Variants in DNAH5 observed in about 807,000 individuals in gnomAD.
DNAH5 encodes the protein dynein axonemal heavy chain 5.
Under a neutral mutation model 518.2 loss-of-function variants are expected in DNAH5, and 372 were observed. The observed-to-expected ratio is 0.72, with a 90% confidence interval of 0.66 to 0.78. The LOEUF (loss-of-function observed/expected upper bound fraction) is 0.78, where lower values mean the gene tolerates loss of function less well. Ranked by LOEUF, DNAH5 falls within the 30% of genes least tolerant of loss-of-function variation. The probability of loss-of-function intolerance (pLI) is 0.00; values close to 1 mark genes in which losing one functional copy is unlikely to be tolerated. For synonymous variants in DNAH5, 2,039 were observed against 2,025.9 expected (o/e 1.01, Z -0.17); for missense variants, 5,523 against 5,687.0 (o/e 0.97, Z 0.93).
At chr5:13,938,481 T>A (rs10060845) in intron 1 of DNAH5, among the ~76,000 whole-genome samples, 1 of 151,280 alleles carries the variant, frequency 6.6e-6, no homozygotes, top group East Asian at 1.9e-4. Context: ...TTGTTGTTAA[T>A]CTTTTACTGC....
intron 1 of DNAH5, among the ~76,000 whole-genome samples, chr5:13,939,380 A>G (rs577924646): frequency 5.3e-5 from 8 of 152,316 alleles, no homozygotes; most frequent in African/African-American, 1.9e-4. Flanking sequence ...TGGGTAGGAT[A>G]GTAGCTCCCC....
intron 68 of DNAH5, 39 bp downstream of exon 68, chr5:13,735,092 T>A (rs754275672): frequency 6.3e-6 from 10 of 1,598,794 alleles, no homozygotes; most frequent in Non-Finnish European, 8.6e-6. Context: ...AACTCCTCCA[T>A]CTGCACCTGT....
At chr5:13,706,347 A>G (rs1460232248) in intron 76 of DNAH5, among the ~76,000 whole-genome samples, 1 of 152,224 alleles carries the variant, frequency 6.6e-6, no homozygotes, top group African/African-American at 2.4e-5. Context: ...TCTAGGGAGC[A>G]GGACATTGGG....
At chr5:13,790,230 T>A (rs558921273) in intron 50 of DNAH5, among the ~76,000 whole-genome samples, 1 of 152,212 alleles carries the variant, frequency 6.6e-6, no homozygotes, top group South Asian at 2.1e-4. Flanking sequence ...TAAATCATTC[T>A]ACTATGCACA....
At chr5:13,735,526 A>G (rs1382212672) in intron 67 of DNAH5, among the ~76,000 whole-genome samples, 1 of 152,214 alleles carries the variant, frequency 6.6e-6, no homozygotes, top group East Asian at 1.9e-4. Flanking sequence ...GTCTAAATCA[A>G]TTCTACCTGC....
chr5:13,887,289 T>C (rs912467289), intron 17 of DNAH5, among the ~76,000 whole-genome samples: 1 of 152,250 alleles, frequency 6.6e-6, no homozygotes, highest in African/African-American at 2.4e-5. Flanking sequence ...AAGACTAATA[T>C]AGTTCCAACA....
At position 13,753,318 on chromosome 5, in the gene DNAH5, T is replaced by A. The variant is rs779225912; in HGVS notation, c.10787A>T (p.Lys3596Met). 27 of 1,613,838 alleles carry A rather than the reference T, an allele frequency of 1.7e-5. 1 individual carries two copies. In the South Asian group the frequency reaches 2.9e-4, roughly 17 times the overall value. ...AATTAACAAAGGGTAACGAGATGCC[T>A]TCGTGACAATAATTCCATTTTGAAT... Reference protein sequence around the residue: ...LSIQNGIIVTKASRYPLLIDP... With the variant: ...LSIQNGIIVTMASRYPLLIDP... The change falls in exon 63 of 79, where the codon AAG becomes ATG. Residue 3596 changes from lysine to methionine, a missense_variant. By Grantham distance (95) the Lys-to-Met change is moderately conservative (BLOSUM62 -1). This residue lies in a region of DNAH5 where 5,121 missense variants were observed against 5,223.3 expected (regional missense o/e 0.98). Transcript: ENST00000265104.
In DNAH5 at chr5:13,751,211, TAGAGTCTAA is replaced by T. The variant is rs985599537; in HGVS notation, c.11069_11077del (p.Phe3690_Leu3692del). 23 of 1,613,808 alleles carry T rather than the reference TAGAGTCTAA, an allele frequency of 1.4e-5. No homozygotes were observed. Among genetic ancestry groups the T allele is most frequent in the Non-Finnish European group, 1.9e-5 (23 of 1,179,940 alleles). ...TGGGTTAGGCAATTTGGTGGTAATG[TAGAGTCTAA>T]AGCCATCCAACACATCTACTTCCTT... On this transcript the variant is annotated inframe_deletion, in exon 65 of 79. Transcript: ENST00000265104.
At chr5:13,950,202 G>C (rs1273419981) in intron 1 of DNAH5, among the ~76,000 whole-genome samples, 2 of 152,142 alleles carry the variant, frequency 1.3e-5, no homozygotes, top group African/African-American at 4.8e-5. Flanking sequence ...TATGCCTATG[G>C]TAATAGTGTT....
intron 71 of DNAH5, among the ~76,000 whole-genome samples, chr5:13,720,549 AT>A (rs899381270): frequency 7.9e-5 from 12 of 151,570 alleles, no homozygotes; most frequent in Middle Eastern, 3.4e-3. Context: ...CGTCCAGTTA[AT>A]TTTTTTTTGT....
upstream of DNAH5, among the ~76,000 whole-genome samples, chr5:13,949,478 C>G (rs1780202510): frequency 2.6e-5 from 4 of 152,120 alleles, no homozygotes; most frequent in Admixed American, 2.6e-4. Context: ...ATTTTGTCAC[C>G]ATTTTTATGG....
Position 13,754,199 on chromosome 5 carries a change from A to C in DNAH5, c.10555+4T>G. On this transcript the variant is annotated splice_donor_region_variant and intron_variant, in intron 62 of 78. Transcript: ENST00000265104. Reference sequence around the variant, plus strand: ...CAATCTCATTAATAAAGAAATTTACATACCTACAAGTCTTTTAGTTTGTGC... The same window carrying C: ...CAATCTCATTAATAAAGAAATTTACCTACCTACAAGTCTTTTAGTTTGTGC... 1 of 1,614,052 alleles carries C rather than the reference A, an allele frequency of 6.2e-7. No individual in the cohort carries two copies. The highest frequency in any genetic ancestry group is 1.1e-5 in the South Asian group (1 of 91,084).
At chr5:13,996,482 T>C (rs1783960858) in intron 1 of DNAH5, among the ~76,000 whole-genome samples, 2 of 152,216 alleles carry the variant, frequency 1.3e-5, no homozygotes, top group South Asian at 4.1e-4. Flanking sequence ...ATGATTCATG[T>C]GAACCTATGA....
intron 64 of DNAH5, 86 bp downstream of exon 64, chr5:13,752,048 G>T: frequency 7.2e-7 from 1 of 1,391,788 alleles, no homozygotes; most frequent in Non-Finnish European, 1.0e-6. Flanking sequence ...TTAAGTTGTT[G>T]CCTATTGAGA....
chr5:13,777,424 C>T (rs182167661), intron 53 of DNAH5, 69 bp from the exon 54 acceptor site: 155 of 1,411,676 alleles, frequency 1.1e-4, no homozygotes, highest in Middle Eastern at 7.8e-4. Flanking sequence ...CTTGTAACAA[C>T]GCATTATGCC....
At chr5:13,742,671 C>T (rs1748742768) in intron 65 of DNAH5, among the ~76,000 whole-genome samples, 1 of 152,006 alleles carries the variant, frequency 6.6e-6, no homozygotes, top group African/African-American at 2.4e-5. Flanking sequence ...ATTGAGATGG[C>T]TGTAGTCAAT....
chr5:13,886,585 G>A (rs1455915766), intron 17 of DNAH5, among the ~76,000 whole-genome samples: 1 of 152,158 alleles, frequency 6.6e-6, no homozygotes, highest in African/African-American at 2.4e-5. Flanking sequence ...AAACTAACAT[G>A]ATTTGAGGCA....
At chr5:13,850,604 C>CT in intron 31 of DNAH5, 48 bp downstream of exon 31, 1 of 1,567,930 alleles carries the variant, frequency 6.4e-7, no homozygotes, top group South Asian at 1.1e-5. Context: ...TCCCTGTATC[C>CT]TTTTGTCTCA....
At chr5:13,990,060 G>A (rs959172424) in intron 1 of DNAH5, among the ~76,000 whole-genome samples, 16 of 152,140 alleles carry the variant, frequency 1.1e-4, no homozygotes, top group African/African-American at 3.4e-4. Context: ...CTAATGAGTG[G>A]TGGAGCCGAT....
Sources: gnomAD v4.1 joint callset for allele counts (sites outside exome capture counted in the v4.1 genomes callset) on GRCh38, gnomAD v4.1.1 for gene constraint, gnomAD v4.1.1 regional missense constraint, MANE v1.5 for transcripts, NCBI Gene and HGNC (gene_info 2026-07-23, HGNC 2026-07-21) for gene names.